Variants in TGFBR3 observed in about 807,000 individuals in gnomAD.
The protein encoded by TGFBR3 is transforming growth factor beta receptor 3.
A neutral mutation model predicts 87.9 loss-of-function variants in TGFBR3; 46 were observed. The observed-to-expected ratio is 0.52, with a 90% CI of 0.41 to 0.67. The LOEUF is 0.67. Among genes scored for constraint, TGFBR3 ranks in the 30% least tolerant of loss-of-function variants. TGFBR3 has a pLI of 0.00. For missense variants in TGFBR3, 866 were observed against 1,041.9 expected (o/e 0.83, Z 2.32); for synonymous variants, 381 against 391.6 (o/e 0.97, Z 0.32).
At position 91,865,695 on chromosome 1, in the gene TGFBR3, G is replaced by A. The variant is rs530855142; in HGVS notation, c.-113-4051C>T. On this transcript the variant is annotated intron_variant, in intron 1 of 16. Transcript: ENST00000212355. Reference sequence around the variant, plus strand: ...TGGGAGGCCGAGGCGGGTGGATCACGAGGTCAGGAGATCGAGACCATCTTG... The same window carrying A: ...TGGGAGGCCGAGGCGGGTGGATCACAAGGTCAGGAGATCGAGACCATCTTG... Among the ~76,000 whole-genome samples, 678 of 152,162 alleles carry A rather than the reference G, an allele frequency of 4.5e-3. 5 individuals carry two copies. Among genetic ancestry groups the A allele is most frequent in the African/African-American group, 0.015 (622 of 41,538 alleles).
chr1:91,829,003 A>G (rs866642930), intron 2 of TGFBR3, among the ~76,000 whole-genome samples: 1 of 151,934 alleles, frequency 6.6e-6, no homozygotes, highest in Non-Finnish European at 1.5e-5. Context: ...CAAATCACCA[A>G]TGCCAGCACT....
intron 2 of TGFBR3, among the ~76,000 whole-genome samples, chr1:91,823,201 T>G (rs1676515223): frequency 6.6e-6 from 1 of 152,120 alleles, no homozygotes. Context: ...AAAGGCTTCC[T>G]AGGGCAGGTG....
At chr1:91,864,230 G>A (rs1472025567) in intron 1 of TGFBR3, 2 of 152,264 alleles carry the variant, frequency 1.3e-5, no homozygotes, top group Non-Finnish European at 2.9e-5. Flanking sequence ...CAGTGGGTCT[G>A]AGGGTCTGTG....
At chr1:91,827,899 C>T (rs1676702423) in intron 2 of TGFBR3, among the ~76,000 whole-genome samples, 1 of 152,210 alleles carries the variant, frequency 6.6e-6, no homozygotes, top group Non-Finnish European at 1.5e-5. Flanking sequence ...GACCCCCATC[C>T]AGAATACAAG....
upstream of TGFBR3, among the ~76,000 whole-genome samples, chr1:91,890,409 C>CT (rs1175619952): frequency 0.41 from 23,711 of 58,240 alleles, 8,406 homozygotes; most frequent in Non-Finnish European, 0.46. Context: ...TCTCTATAAT[C>CT]TTTTTTTTTT....
intron 2 of TGFBR3, among the ~76,000 whole-genome samples, chr1:91,799,276 C>T (rs183311157): frequency 3.3e-5 from 5 of 152,342 alleles, no homozygotes; most frequent in Non-Finnish European, 7.3e-5. Flanking sequence ...TGTGCCTTCT[C>T]AAATAGTCAC....
At chr1:91,709,000 A>G (rs1051819527) in intron 13 of TGFBR3, among the ~76,000 whole-genome samples, 1 of 152,208 alleles carries the variant, frequency 6.6e-6, no homozygotes, top group Non-Finnish European at 1.5e-5. Context: ...AGATGCAAAT[A>G]TCACTGGATA....
upstream of TGFBR3, chr1:91,886,216 G>A: frequency 2.2e-6 from 1 of 452,304 alleles, no homozygotes; most frequent in Non-Finnish European, 4.4e-6. Context: ...GGACGGGCAG[G>A]ACGCCACAGC....
chr1:91,718,816 A>G (rs1223370822), intron 10 of TGFBR3, among the ~76,000 whole-genome samples: 1 of 152,132 alleles, frequency 6.6e-6, no homozygotes, highest in East Asian at 1.9e-4. Flanking sequence ...GAGACTTAAT[A>G]ATTCCTTAAA....
At chr1:91,805,975 G>C (rs1243117751) in intron 2 of TGFBR3, among the ~76,000 whole-genome samples, 1 of 152,196 alleles carries the variant, frequency 6.6e-6, no homozygotes, top group Non-Finnish European at 1.5e-5. Flanking sequence ...GTACTTTCCA[G>C]TTCCTCGCCT....
chr1:91,690,106 GAGAAACAA>G, intron 16 of TGFBR3, among the ~76,000 whole-genome samples: 1 of 152,260 alleles, frequency 6.6e-6, no homozygotes, highest in Admixed American at 6.5e-5. Flanking sequence ...GGGAAAAACT[GAGAAACAA>G]GCAATTTATG....
At chr1:91,788,955 T>A (rs1260974742) in intron 3 of TGFBR3, among the ~76,000 whole-genome samples, 1 of 152,154 alleles carries the variant, frequency 6.6e-6, no homozygotes, top group Non-Finnish European at 1.5e-5. Flanking sequence ...CTAACCTCCA[T>A]AAAGACAAAA....
At chr1:91,776,657 T>C (rs1438030911) in intron 3 of TGFBR3, among the ~76,000 whole-genome samples, 4 of 152,170 alleles carry the variant, frequency 2.6e-5, no homozygotes, top group Non-Finnish European at 4.4e-5. Flanking sequence ...ATCAGTGTAG[T>C]GCCATTACCT....
intron 2 of TGFBR3, among the ~76,000 whole-genome samples, chr1:91,856,211 C>T (rs372690297): frequency 9.9e-5 from 15 of 152,092 alleles, no homozygotes; most frequent in African/African-American, 3.1e-4. Context: ...TACAGGCGTC[C>T]GCCACCGCGC....
intron 3 of TGFBR3, among the ~76,000 whole-genome samples, chr1:91,763,466 T>G (rs1302810122): frequency 6.6e-6 from 1 of 152,170 alleles, no homozygotes; most frequent in Non-Finnish European, 1.5e-5. Context: ...AATAATTCTC[T>G]GAAATGGATG....
At chr1:91,770,346 T>C (rs1036712641) in intron 3 of TGFBR3, among the ~76,000 whole-genome samples, 1 of 152,136 alleles carries the variant, frequency 6.6e-6, no homozygotes, top group Admixed American at 6.5e-5. Context: ...CTAAACTTTA[T>C]TAAACACCAA....
intron 2 of TGFBR3, among the ~76,000 whole-genome samples, chr1:91,803,523 GA>G (rs1353905610): frequency 6.6e-6 from 1 of 151,196 alleles, no homozygotes; most frequent in Non-Finnish European, 1.5e-5. Context: ...GGAGCCACGG[GA>G]TCAGCTCTGA....
chr1:91,863,383 T>C (rs917124489), intron 1 of TGFBR3, among the ~76,000 whole-genome samples: 1 of 152,204 alleles, frequency 6.6e-6, no homozygotes, highest in African/African-American at 2.4e-5. Flanking sequence ...CAAATGGTAA[T>C]GTTAGGCAGC....
upstream of TGFBR3, chr1:91,886,214 A>T (rs1260613115): frequency 2.2e-6 from 1 of 452,242 alleles, no homozygotes. Context: ...GGGGACGGGC[A>T]GGACGCCACA....
Sources: allele counts gnomAD v4.1 joint callset (sites outside exome capture counted in the v4.1 genomes callset), GRCh38; gene constraint gnomAD v4.1.1; transcripts MANE v1.5; gene names NCBI Gene and HGNC (gene_info 2026-07-23, HGNC 2026-07-21).